REM1: variants seen among roughly 807,000 people sequenced by gnomAD.
REM1 encodes RRAD and GEM like GTPase 1.
Under a neutral mutation model 27.0 loss-of-function variants are expected in REM1, and 20 were observed. The observed-to-expected ratio is 0.74, with a 90% CI of 0.52 to 1.08. REM1 has a LOEUF of 1.08. Among genes scored for constraint, REM1 ranks in the 50% least tolerant of loss-of-function variants. The pLI is 0.00. For synonymous variants in REM1, 159 were observed against 167.9 expected (o/e 0.95, Z 0.41); for missense variants, 405 against 407.0 (o/e 1.00, Z 0.04).
intron 2 of REM1, 126 bp from the exon 3 acceptor site, chr20:31,477,702 A>T (rs1257001548): frequency 4.5e-6 from 3 of 663,130 alleles, no homozygotes; most frequent in Admixed American, 2.2e-5. Flanking sequence ...GGCATCAAAC[A>T]AGTGTGATAA....
chr20:31,477,762 A>G, intron 2 of REM1, 66 bp from the exon 3 acceptor site: 2 of 1,202,874 alleles, frequency 1.7e-6, no homozygotes, highest in Non-Finnish European at 2.4e-6. Context: ...AATGGGGGGC[A>G]GGGAACACCA....
Position 31,476,648 on chromosome 20 carries a change from C to T in REM1, c.203C>T (p.Ser68Phe). The T allele has an allele frequency of 6.2e-7, 1 of 1,614,128 alleles. No homozygotes were observed. The highest frequency in any genetic ancestry group is 1.1e-5 in the South Asian group (1 of 91,084). ...TCACCTGCCCCAGATGATTGGTCTTCTGAATCCAGCGACTCTGAAGGCTCC... is the reference window on the plus strand; with the variant it reads ...TCACCTGCCCCAGATGATTGGTCTTTTGAATCCAGCGACTCTGAAGGCTCC... ...KPSPAPDDWSSESSDSEGSWE... is the reference protein window; with the variant it reads ...KPSPAPDDWSFESSDSEGSWE... Residue 68 changes from serine (S) to phenylalanine (F), a missense_variant, in exon 2 of 5, where the codon TCT becomes TTT. Physicochemically the swap from Ser to Phe is radical, Grantham distance 155. Transcript: ENST00000201979.
chr20:31,480,821 G>A (rs1980704883), intron 3 of REM1, among the ~76,000 whole-genome samples: 1 of 152,184 alleles, frequency 6.6e-6, no homozygotes, highest in South Asian at 2.1e-4. Flanking sequence ...CCATACTCAA[G>A]GTTGAGAACC....
chr20:31,476,973 C>T (rs1321738671), intron 2 of REM1, among the ~76,000 whole-genome samples, 188 bp downstream of exon 2: 1 of 152,184 alleles, frequency 6.6e-6, no homozygotes, highest in East Asian at 1.9e-4. Context: ...ACAGCCTGCA[C>T]AATGGTCAAG....
chr20:31,476,885 T>G, intron 2 of REM1, 100 bp downstream of exon 2: 1 of 972,864 alleles, frequency 1.0e-6, no homozygotes, highest in Non-Finnish European at 1.5e-6. Flanking sequence ...AGTCATGCAC[T>G]GTTCAACTCT....
intron 3 of REM1, among the ~76,000 whole-genome samples, chr20:31,480,049 A>T (rs1297460996): frequency 2.6e-5 from 4 of 152,152 alleles, no homozygotes; most frequent in Non-Finnish European, 5.9e-5. Flanking sequence ...AGATCATGCC[A>T]TTGCACTCCA....
At chr20:31,480,236 T>TAGATAG (rs1323913281) in intron 3 of REM1, among the ~76,000 whole-genome samples, 1 of 73,482 alleles carries the variant, frequency 1.4e-5, no homozygotes, top group South Asian at 3.5e-4. Context: ...GATAGACAGA[T>TAGATAG]ACATACATAC....
rs1254054376 is a variant in REM1, at chr20:31,484,148, C to T, written c.626-11C>T. 1 of 1,563,842 alleles carries T rather than the reference C, an allele frequency of 6.4e-7. No individual in the cohort carries two copies. Among genetic ancestry groups the T allele is most frequent in the East Asian group, 2.3e-5 (1 of 43,096 alleles). On this transcript the variant is annotated splice_polypyrimidine_tract_variant and intron_variant, in intron 4 of 4. Transcript: ENST00000201979. ...GGCTCCACCCCTCCTCGCCGGGCCC[C>T]GCCCCCTTAGAGGGCCGCGCCTGCG...
At chr20:31,480,170 C>T (rs1200213588) in intron 3 of REM1, among the ~76,000 whole-genome samples, 1 of 151,648 alleles carries the variant, frequency 6.6e-6, no homozygotes, top group Non-Finnish European at 1.5e-5. Context: ...GGCAACAGAG[C>T]AAGACTCCAT....
rs1194665675 is a variant in REM1 at position 31,476,312 on chromosome 20, G to C, written c.-134G>C. On this transcript the variant is annotated 5_prime_UTR_variant, in exon 2 of 5. Coordinates refer to ENST00000201979, the MANE Select transcript of REM1 (RefSeq NM_014012.6). ...CCTCCTACTCCCATCTGAACAAGAG[G>C]GGGATCTGGAAGAAGCCATACAGCA... The C allele has an allele frequency of 1.8e-5, 13 of 726,290 alleles. No individual in the cohort carries two copies. The highest frequency in any genetic ancestry group is 3.6e-5 in the African/African-American group (2 of 56,228). The allele number at this position is 726,290 out of a possible 1,614,324, so 45.0% of individuals were successfully genotyped here. A position where few individuals can be genotyped will look rare whatever the true frequency, so the allele number is the denominator to read the frequency against.
chr20:31,479,225 C>T lies in REM1; in HGVS notation c.423+1315C>T, dbSNP rs770081238. The stretch of plus-strand genomic sequence containing the variant: ...AGAGCATCACCTTCTGAACCTTCAG[C>T]TGAGGTTTCAGTCATTTGCTCATTC... On this transcript the variant is annotated intron_variant, in intron 3 of 4. Coordinates refer to ENST00000201979, the MANE Select transcript of REM1 (RefSeq NM_014012.6). 5.9e-5 allele frequency among the ~76,000 whole-genome samples: 9 copies of T among 152,336 alleles called. 1 individual carries two copies. The Middle Eastern group carries it at 0.01, about 173-fold the overall frequency.
chr20:31,480,246 C>G (rs879564590), intron 3 of REM1, among the ~76,000 whole-genome samples: 5,045 of 53,270 alleles, frequency 0.095, 107 homozygotes, highest in African/African-American at 0.2. Context: ...TACATACATA[C>G]ACACATACAT....
Position 31,476,300 on chromosome 20 carries a change from T to C in REM1, c.-146T>C. 1.5e-6 allele frequency: 1 copy of C among 682,160 alleles called. No homozygotes were observed. The allele number at this position is 682,160 out of a possible 1,614,324, so 42.3% of individuals were successfully genotyped here. A position where few individuals can be genotyped will look rare whatever the true frequency, so the allele number is the denominator to read the frequency against. On this transcript the variant is annotated 5_prime_UTR_variant, in exon 2 of 5. Coordinates refer to ENST00000201979, the MANE Select transcript of REM1 (RefSeq NM_014012.6). ...GAAGCTGAGGCACCTCCTACTCCCA[T>C]CTGAACAAGAGGGGGATCTGGAAGA...
intron 3 of REM1, among the ~76,000 whole-genome samples, chr20:31,481,656 C>T (rs1365430917): frequency 2.6e-5 from 4 of 152,114 alleles, no homozygotes; most frequent in Non-Finnish European, 5.9e-5. Flanking sequence ...GAGGGCTGTC[C>T]CTAACAAAAG....
Position 31,484,813 on chromosome 20 carries a change from C to G in REM1, c.*383C>G. On this transcript the variant is annotated 3_prime_UTR_variant, in exon 5 of 5. Transcript: ENST00000201979. ...CTCTTCCAGGCGTCTCCACCTACTG[C>G]CCTCCCATCTACACTTGACTGTAGA... The G allele has an allele frequency of 9.5e-6, 2 of 210,762 alleles. No homozygotes were observed. Among genetic ancestry groups the G allele is most frequent in the Non-Finnish European group, 1.9e-5 (2 of 106,650 alleles). 13.1% of individuals were successfully genotyped at this position (210,762 alleles called of 1,614,324 possible).
Position 31,477,914 on chromosome 20 carries a change from T to C in REM1, c.423+4T>C, listed in dbSNP as rs931518737. The C allele has an allele frequency of 6.3e-6, 10 of 1,593,514 alleles. No individual in the cohort carries two copies. Among genetic ancestry groups the C allele is most frequent in the African/African-American group, 1.3e-5 (1 of 74,458 alleles). On this transcript the variant is annotated splice_donor_region_variant and intron_variant, in intron 3 of 4. Transcript: ENST00000201979. ...CACCTGGGAGGCCGAGAAACTGGTA[T>C]GGCACTGCAAGCAGAATTTGGGGAG...
Position 31,476,795 on chromosome 20 carries a change from A to G in REM1, c.340+10A>G. On this transcript the variant is annotated intron_variant, in intron 2 of 4. Coordinates refer to ENST00000201979, the MANE Select transcript of REM1 (RefSeq NM_014012.6). ...CATGAACAGCTGGGAGGTAGGGGCC[A>G]TATGGGCTGGGCTGGGATGTGGCCA... is the stretch of plus-strand genomic sequence containing the variant. The G allele has an allele frequency of 6.3e-7, 1 of 1,595,936 alleles. No homozygotes were observed. The highest frequency in any genetic ancestry group is 8.5e-7 in the Non-Finnish European group (1 of 1,171,444).
intron 3 of REM1, among the ~76,000 whole-genome samples, chr20:31,480,938 T>C (rs1980708806): frequency 6.6e-6 from 1 of 152,186 alleles, no homozygotes; most frequent in African/African-American, 2.4e-5. Flanking sequence ...AATCTGATGC[T>C]TTCCTATTCA....
At chr20:31,477,373 T>C (rs1980552415) in intron 2 of REM1, among the ~76,000 whole-genome samples, 1 of 151,882 alleles carries the variant, frequency 6.6e-6, no homozygotes, top group South Asian at 2.1e-4. Flanking sequence ...CAAAAGGACA[T>C]AGGGTGAGTG....
Sources: allele counts gnomAD v4.1 joint callset (sites outside exome capture counted in the v4.1 genomes callset), GRCh38; gene constraint gnomAD v4.1.1; transcripts MANE v1.5; gene names NCBI Gene and HGNC (gene_info 2026-07-23, HGNC 2026-07-21).